Variants in USH2A observed in about 807,000 individuals in gnomAD.
USH2A encodes the protein Usher syndrome 2A (autosomal recessive, mild).
In USH2A, 443 loss-of-function variants were observed where a neutral mutation model predicts 538.9. The observed-to-expected ratio is 0.82, with a 90% CI of 0.76 to 0.89. The LOEUF is 0.89. Among genes scored for constraint, USH2A ranks in the 40% least tolerant of loss-of-function variants. The probability of loss-of-function intolerance (pLI) is 0.00; values close to 1 mark genes in which losing one functional copy is unlikely to be tolerated. For synonymous variants in USH2A, 2,413 were observed against 2,273.5 expected (o/e 1.06, Z -1.75); for missense variants, 6,633 against 6,324.8 (o/e 1.05, Z -1.65).
chr1:215,630,842 T>C (rs1181403921), intron 70 of USH2A, among the ~76,000 whole-genome samples: 1 of 150,458 alleles, frequency 6.6e-6, no homozygotes, highest in African/African-American at 2.4e-5. Context: ...GACAGAAGAC[T>C]CTGTCTCAAA....
intron 44 of USH2A, among the ~76,000 whole-genome samples, chr1:215,859,674 C>T (rs1000642663): frequency 1.3e-5 from 2 of 152,186 alleles, no homozygotes; most frequent in South Asian, 2.1e-4. Context: ...TGGAACCAAT[C>T]GCCTGCATAT....
intron 35 of USH2A, among the ~76,000 whole-genome samples, chr1:215,972,711 A>C (rs771377639): frequency 1.3e-5 from 2 of 152,172 alleles, no homozygotes; most frequent in African/African-American, 4.8e-5. Flanking sequence ...TACCATTCTG[A>C]TAAGTCCATT....
At chr1:215,769,892 G>C (rs1272245029) in intron 55 of USH2A, among the ~76,000 whole-genome samples, 2 of 152,132 alleles carry the variant, frequency 1.3e-5, no homozygotes, top group African/African-American at 2.4e-5. Context: ...TGAATATGGG[G>C]AGAATGACAG....
chr1:215,990,069 C>T (rs1667968495), intron 35 of USH2A, among the ~76,000 whole-genome samples: 1 of 152,114 alleles, frequency 6.6e-6, no homozygotes, highest in Admixed American at 6.6e-5. Flanking sequence ...AGAATGAAGT[C>T]TATCTTATTC....
chr1:216,401,775 A>T (rs539840610), intron 3 of USH2A, among the ~76,000 whole-genome samples: 1 of 152,118 alleles, frequency 6.6e-6, no homozygotes, highest in African/African-American at 2.4e-5. Context: ...GTATGCACCT[A>T]ACAACAGAAC....
At chr1:215,630,482 GTATATATATA>G (rs1158726890) in intron 70 of USH2A, among the ~76,000 whole-genome samples, 2,085 of 22,440 alleles carry the variant, frequency 0.093, 68 homozygotes, top group African/African-American at 0.17. Context: ...ATGTGTGTGT[GTATATATATA>G]TATATATATA....
At chr1:216,389,693 CTTAAATAAT>C (rs1416769194) in intron 3 of USH2A, among the ~76,000 whole-genome samples, 1 of 152,090 alleles carries the variant, frequency 6.6e-6, no homozygotes, top group Non-Finnish European at 1.5e-5. Flanking sequence ...ATACATCTTA[CTTAAATAAT>C]TAGCCCATTT....
At chr1:216,293,314 G>A (rs1468947379) in intron 9 of USH2A, among the ~76,000 whole-genome samples, 12 of 152,094 alleles carry the variant, frequency 7.9e-5, no homozygotes, top group African/African-American at 2.2e-4. Flanking sequence ...GTGAGCCACC[G>A]CACCCGGCCA....
chr1:215,743,088 T>C, intron 59 of USH2A, 89 bp downstream of exon 59: 1 of 1,493,364 alleles, frequency 6.7e-7, no homozygotes, highest in Non-Finnish European at 9.2e-7. Context: ...TCTTTATATT[T>C]GGACTGAGAA....
At chr1:215,777,410 G>T (rs1661494976) in intron 55 of USH2A, among the ~76,000 whole-genome samples, 1 of 152,206 alleles carries the variant, frequency 6.6e-6, no homozygotes, top group South Asian at 2.1e-4. Context: ...AACCAATAAA[G>T]TAGCAACAAT....
chr1:215,928,367 ATTTAGTAAACTGCTTTC>A (rs1209737295), intron 38 of USH2A, among the ~76,000 whole-genome samples: 1 of 152,056 alleles, frequency 6.6e-6, no homozygotes, highest in Non-Finnish European at 1.5e-5. Flanking sequence ...TCAAGGAAAA[ATTTAGTAAACTGCTTTC>A]TTCATTTTTT....
At chr1:215,653,876 A>G (rs114076642) in intron 64 of USH2A, among the ~76,000 whole-genome samples, 2,641 of 152,334 alleles carry the variant, frequency 0.017, 78 homozygotes, top group African/African-American at 0.059. Flanking sequence ...GGGTAGAGAA[A>G]GAAGCAGCAG....
intron 60 of USH2A, among the ~76,000 whole-genome samples, chr1:215,738,511 G>A (rs376567213): frequency 4.6e-4 from 70 of 152,126 alleles, no homozygotes; most frequent in African/African-American, 1.6e-3. Flanking sequence ...TAGGGCAGAC[G>A]CTTTTTAATA....
At chr1:216,023,475 A>AAAAAAAAAAAAAAC (rs1668891389) in intron 32 of USH2A, among the ~76,000 whole-genome samples, 1 of 149,310 alleles carries the variant, frequency 6.7e-6, no homozygotes, top group African/African-American at 2.4e-5. Flanking sequence ...AAAAAAAAAA[A>AAAAAAAAAAAAAAC]AAAAAAATCA....
chr1:215,744,913 A>G (rs1259454901), intron 58 of USH2A, among the ~76,000 whole-genome samples: 1 of 152,200 alleles, frequency 6.6e-6, no homozygotes, highest in Non-Finnish European at 1.5e-5. Flanking sequence ...AACTACTAAC[A>G]TTCTATCATT....
intron 3 of USH2A, among the ~76,000 whole-genome samples, chr1:216,414,480 T>A (rs1230457663): frequency 1.3e-5 from 2 of 152,088 alleles, no homozygotes; most frequent in African/African-American, 2.4e-5. Flanking sequence ...TTTCCTGACA[T>A]CTTTTCCCCC....
chr1:215,731,142 G>A (rs2820719), intron 60 of USH2A, among the ~76,000 whole-genome samples: 25,655 of 152,086 alleles, frequency 0.17, 2,298 homozygotes, highest in Non-Finnish European at 0.19. Flanking sequence ...CTATAAAGCC[G>A]ACATTCTTAA....
chr1:216,024,959 T>A (rs1207005445), intron 32 of USH2A, among the ~76,000 whole-genome samples: 1 of 151,948 alleles, frequency 6.6e-6, no homozygotes, highest in Non-Finnish European at 1.5e-5. Flanking sequence ...CAAATTATAG[T>A]CTATCTCCTA....
chr1:216,231,126 C>T (rs950191952), intron 14 of USH2A, among the ~76,000 whole-genome samples: 1 of 147,932 alleles, frequency 6.8e-6, no homozygotes, highest in Non-Finnish European at 1.5e-5. Flanking sequence ...ATCTGCCAGT[C>T]TTTAAAGCTA....
Sources: allele counts gnomAD v4.1 joint callset (sites outside exome capture counted in the v4.1 genomes callset), GRCh38; gene constraint gnomAD v4.1.1; transcripts MANE v1.5; gene names NCBI Gene and HGNC (gene_info 2026-07-23, HGNC 2026-07-21).